DENND2B: variants seen among roughly 807,000 people sequenced by gnomAD.
DENND2B encodes DENN domain-containing protein 2B.
A neutral mutation model predicts 116.0 loss-of-function variants in DENND2B; 32 were observed. The ratio of observed to expected loss-of-function variants is 0.28; its 90% CI spans 0.21 to 0.37. The LOEUF (loss-of-function observed/expected upper bound fraction) is 0.37, where lower values mean the gene tolerates loss of function less well. DENND2B is among the 10% of genes least tolerant of loss of function. The pLI is 1.00. For synonymous variants in DENND2B, 588 were observed against 583.9 expected (o/e 1.01, Z -0.10); for missense variants, 1,276 against 1,477.7 (o/e 0.86, Z 2.24).
chr11:8,759,167 T>C (rs2134101381), intron 1 of DENND2B, among the ~76,000 whole-genome samples: 1 of 152,342 alleles, frequency 6.6e-6, no homozygotes, highest in African/African-American at 2.4e-5. Flanking sequence ...GGGAGCTCTT[T>C]CTGAGGGGTG....
chr11:8,843,068 G>A (rs1221291876), intron 3 of DENND2B, among the ~76,000 whole-genome samples: 2 of 151,934 alleles, frequency 1.3e-5, no homozygotes, highest in Non-Finnish European at 2.9e-5. Context: ...CCAGGCTGGA[G>A]TGCAGTGGCG....
At chr11:8,891,609 T>A (rs2455602) in intron 1 of DENND2B, among the ~76,000 whole-genome samples, 4,814 of 151,868 alleles carry the variant, frequency 0.032, 247 homozygotes, top group African/African-American at 0.11. Flanking sequence ...TGATAAAACA[T>A]ACTTTAAACC....
Position 8,721,191 on chromosome 11 carries a change from G to T in DENND2B, c.1478-3299C>A, listed in dbSNP as rs568766117. ...ACTCTTCTAAAAGGGGATTATCAGA[G>T]CCCAAAGGTGTCACACAAATCCTCT... On this transcript the variant is annotated intron_variant, in intron 4 of 19. Transcript: ENST00000313726. 2.9e-4 allele frequency among the ~76,000 whole-genome samples: 44 copies of T among 151,750 alleles called. 1 individual carries two copies. The highest frequency in any genetic ancestry group is 8.7e-4 in the African/African-American group (36 of 41,394).
At chr11:8,786,796 G>A (rs565734927) in intron 1 of DENND2B, among the ~76,000 whole-genome samples, 1 of 152,110 alleles carries the variant, frequency 6.6e-6, no homozygotes, top group East Asian at 1.9e-4. Flanking sequence ...CAGCCTGGGC[G>A]ACAGACCAAG....
intron 1 of DENND2B, among the ~76,000 whole-genome samples, chr11:8,788,498 T>C (rs183087936): frequency 1.3e-5 from 2 of 152,312 alleles, no homozygotes; most frequent in African/African-American, 4.8e-5. Flanking sequence ...CTGGCTAAGC[T>C]TTCAACCGAT....
At chr11:8,833,337 G>A (rs912874733) in intron 4 of DENND2B, among the ~76,000 whole-genome samples, 4 of 152,148 alleles carry the variant, frequency 2.6e-5, no homozygotes, top group African/African-American at 9.7e-5. Flanking sequence ...AAGTGTCCAC[G>A]TGAAGGATAT....
At chr11:8,694,162 C>G (rs751707216) in intron 19 of DENND2B, 32 bp from the exon 20 acceptor site, 42 of 1,613,538 alleles carry the variant, frequency 2.6e-5, no homozygotes, top group Non-Finnish European at 3.2e-5. Flanking sequence ...AGAGAATGTT[C>G]AGTGTTATCC....
chr11:8,722,805 G>A (rs1007581808), intron 4 of DENND2B, among the ~76,000 whole-genome samples: 11 of 151,988 alleles, frequency 7.2e-5, no homozygotes, highest in South Asian at 2.1e-4. Flanking sequence ...CTAAACATCC[G>A]ATGCAGTATA....
At chr11:8,805,170 G>A (rs2060733321) in intron 1 of DENND2B, among the ~76,000 whole-genome samples, 1 of 152,192 alleles carries the variant, frequency 6.6e-6, no homozygotes, top group African/African-American at 2.4e-5. Context: ...AGACCCCTGA[G>A]CTATAGCTGT....
At chr11:8,895,684 A>C (rs1328220238) in intron 1 of DENND2B, 1 of 152,230 alleles carries the variant, frequency 6.6e-6, no homozygotes, top group Non-Finnish European at 1.5e-5. Context: ...ATAGTTGCAC[A>C]TTTTGAATAT....
At chr11:8,779,098 G>C (rs1225649044) in intron 1 of DENND2B, among the ~76,000 whole-genome samples, 1 of 152,236 alleles carries the variant, frequency 6.6e-6, no homozygotes, top group Admixed American at 6.5e-5. Context: ...AGGGCACTGA[G>C]ACACAACAGC....
At chr11:8,770,994 G>T (rs2056757372) in intron 1 of DENND2B, among the ~76,000 whole-genome samples, 2 of 152,178 alleles carry the variant, frequency 1.3e-5, no homozygotes, top group African/African-American at 4.8e-5. Flanking sequence ...TCTGTGGTTT[G>T]CCCTGCCTGC....
At chr11:8,731,448 G>C (rs2048111059) in intron 2 of DENND2B, among the ~76,000 whole-genome samples, 1 of 152,228 alleles carries the variant, frequency 6.6e-6, no homozygotes, top group Non-Finnish European at 1.5e-5. Flanking sequence ...GGCACCCTGA[G>C]TAATGTCTGA....
Position 8,730,121 on chromosome 11 carries a change from G to A in DENND2B, c.1169C>T (p.Pro390Leu). 1 of 1,614,204 alleles carries A rather than the reference G, an allele frequency of 6.2e-7. No individual in the cohort carries two copies. Among genetic ancestry groups the A allele is most frequent in the South Asian group, 1.1e-5 (1 of 91,084 alleles). ...LDPAVNPVPKPKRTFEYEADK... is the reference protein window; with the variant it reads ...LDPAVNPVPKLKRTFEYEADK... ...AGCCTCGTATTCAAAGGTGCGCTTGGGTTTGGGGACAGGGTTCACAGCGGG... is the reference window on the plus strand; with the variant it reads ...AGCCTCGTATTCAAAGGTGCGCTTGAGTTTGGGGACAGGGTTCACAGCGGG... The change falls in exon 3 of 20, where the codon CCC (proline) becomes CTC (leucine). Residue 390 changes from proline (P) to leucine (L), a missense_variant. This residue lies in a region of DENND2B where 856 missense variants were observed against 846.6 expected (regional missense o/e 1.01). Coordinates refer to ENST00000313726, the MANE Select transcript of DENND2B (RefSeq NM_213618.2). This position sits in a 1 kb window ranked among gnomAD's most constrained non-coding sequence, Gnocchi z 4.1.
chr11:8,796,434 G>T (rs1345421878), intron 1 of DENND2B, among the ~76,000 whole-genome samples: 1 of 152,032 alleles, frequency 6.6e-6, no homozygotes, highest in Non-Finnish European at 1.5e-5. Context: ...AGCTACATGG[G>T]AGGCTGAGGC....
At chr11:8,710,753 GCACACACACACACACACA>G (rs56230708) in intron 11 of DENND2B, 74 bp downstream of exon 11, 92 of 831,708 alleles carry the variant, frequency 1.1e-4, no homozygotes, top group African/African-American at 1.1e-3. Flanking sequence ...TTGCAGAAGG[GCACACACACACACACACA>G]CACACACACA....
intron 2 of DENND2B, among the ~76,000 whole-genome samples, chr11:8,860,260 G>A (rs1352556218): frequency 6.6e-6 from 1 of 152,096 alleles, no homozygotes; most frequent in East Asian, 1.9e-4. Flanking sequence ...ATCTCTGTTT[G>A]CTAATGATAT....
chr11:8,756,144 G>A (rs1342149110), intron 1 of DENND2B, among the ~76,000 whole-genome samples: 2 of 152,082 alleles, frequency 1.3e-5, no homozygotes, highest in Admixed American at 6.5e-5. Context: ...TCAGTTCCAG[G>A]GCAGGCCCTT....
Position 8,776,134 on chromosome 11 carries a change from ACGCACGTGCGCG to A in DENND2B, c.-25-25421_-25-25410del, listed in dbSNP as rs763308299. 6.1e-3 allele frequency: 1,775 copies of A among 289,362 alleles called. 17 individuals carry two copies. Among genetic ancestry groups the A allele is most frequent in the Non-Finnish European group, 8.8e-3 (1,192 of 135,574 alleles). The allele number at this position is 289,362 out of a possible 1,614,324, so 17.9% of individuals were successfully genotyped here. On this transcript the variant is annotated intron_variant, in intron 1 of 19. Coordinates refer to ENST00000313726, the MANE Select transcript of DENND2B (RefSeq NM_213618.2). Reference sequence around the variant, plus strand: ...CACAGACTTGCACATGCACACAGACACGCACGTGCGCGCACGCGCGCGCGCGCACACACACAC... The same window carrying A: ...CACAGACTTGCACATGCACACAGACACACGCGCGCGCGCGCACACACACAC...
Sources: gnomAD v4.1 joint callset for allele counts (sites outside exome capture counted in the v4.1 genomes callset) on GRCh38, gnomAD v4.1.1 for gene constraint, gnomAD v4.1.1 regional missense constraint, Gnocchi (gnomAD v3.1) non-coding constraint, MANE v1.5 for transcripts, NCBI Gene and HGNC (gene_info 2026-07-23, HGNC 2026-07-21) for gene names.